Variants in TMPO observed in about 807,000 individuals in gnomAD.
TMPO encodes LEM domain containing 4.
Under a neutral mutation model 45.4 loss-of-function variants are expected in TMPO, and 22 were observed. That is an observed-to-expected ratio of 0.48 (90% CI 0.35 to 0.69). TMPO has a LOEUF of 0.69. Ranked by LOEUF, TMPO falls within the 30% of genes least tolerant of loss-of-function variation. The probability of loss-of-function intolerance (pLI) is 0.01; values close to 1 mark genes in which losing one functional copy is unlikely to be tolerated. For synonymous variants in TMPO, 241 were observed against 204.1 expected (o/e 1.18, Z -1.54); for missense variants, 512 against 548.8 (o/e 0.93, Z 0.67).
chr12:98,544,717 A>C, intron 6 of TMPO, 180 bp downstream of exon 6: 1 of 649,126 alleles, frequency 1.5e-6, no homozygotes, highest in Non-Finnish European at 2.6e-6. Flanking sequence ...TATCCAATTT[A>C]TGTAAAGAAA....
At chr12:98,518,267 T>C (rs570127660) in intron 1 of TMPO, among the ~76,000 whole-genome samples, 1 of 151,980 alleles carries the variant, frequency 6.6e-6, no homozygotes, top group Non-Finnish European at 1.5e-5. Context: ...AACCGTGAAG[T>C]TTTTGGTTGT....
chr12:98,520,162 C>G (rs1180421138), intron 1 of TMPO, among the ~76,000 whole-genome samples: 2 of 151,830 alleles, frequency 1.3e-5, no homozygotes, highest in Non-Finnish European at 2.9e-5. Flanking sequence ...GTTTCACCAT[C>G]TTGGCCAGGC....
At position 98,548,013 on chromosome 12, in the gene TMPO, A is replaced by C; in HGVS notation, c.*155A>C. On this transcript the variant is annotated 3_prime_UTR_variant, in exon 9 of 9. Coordinates refer to ENST00000556029, the MANE Select transcript of TMPO (RefSeq NM_001032283.3). ...TGAAAAGCAAACAAAATATATATAA[A>C]TGGACTTCATTAAAATGTTTTTGAA... is the stretch of plus-strand genomic sequence containing the variant. The C allele has an allele frequency of 1.2e-6, 1 of 816,210 alleles. No individual in the cohort carries two copies. The allele number at this position is 816,210 out of a possible 1,614,324, so 50.6% of individuals were successfully genotyped here.
intron 1 of TMPO, among the ~76,000 whole-genome samples, chr12:98,523,780 A>T (rs1009506654): frequency 4.0e-4 from 61 of 152,108 alleles, no homozygotes; most frequent in South Asian, 1.0e-3. Flanking sequence ...AATTCAAGTG[A>T]TTCTCCAGCC....
chr12:98,523,136 C>T (rs2121143789), intron 1 of TMPO, among the ~76,000 whole-genome samples: 1 of 152,292 alleles, frequency 6.6e-6, no homozygotes, highest in South Asian at 2.1e-4. Context: ...ACTGATGCTT[C>T]CTTTTTCCTG....
intron 1 of TMPO, among the ~76,000 whole-genome samples, chr12:98,520,217 C>A (rs1876227891): frequency 6.6e-6 from 1 of 152,002 alleles, no homozygotes; most frequent in African/African-American, 2.4e-5. Flanking sequence ...GCCTGAGCCT[C>A]CCAAAGTGCT....
Position 98,531,777 on chromosome 12 carries a change from A to G in TMPO, c.504A>G (p.Ser168=), listed in dbSNP as rs776550306. 1 of 1,613,984 alleles carries G rather than the reference A, an allele frequency of 6.2e-7. No homozygotes were observed. The highest frequency in any genetic ancestry group is 8.5e-7 in the Non-Finnish European group (1 of 1,179,940). The stretch of plus-strand genomic sequence containing the variant: ...CTCCTCTGCCAACAATTTCTTCTTC[A>G]GCAGAAAATACAAGGCAGAATGGAA... ...SSTPLPTISS[S]AENTRQNGSN... is the part of the protein sequence containing the mutation. Residue 168 remains serine, a synonymous_variant, in exon 3 of 9, where the codon TCA becomes TCG. Transcript: ENST00000556029.
chr12:98,546,030 G>A (rs1878210025), intron 7 of TMPO, among the ~76,000 whole-genome samples: 1 of 152,156 alleles, frequency 6.6e-6, no homozygotes, highest in African/African-American at 2.4e-5. Context: ...ACCGTACCCG[G>A]CCCAACAATA....
Position 98,533,422 on chromosome 12 carries a change from G to A in TMPO, c.565+1584G>A, listed in dbSNP as rs147002330. The A allele has an allele frequency of 3.3e-5, 54 of 1,614,042 alleles. No homozygotes were observed. The highest frequency in any genetic ancestry group is 1.4e-4 in the South Asian group (13 of 91,072). ...TGTCAATTCTCTGTTGGTCCAGGGT[G>A]GGGTAGGTAGTTTGCCTGGAACTTC... On this transcript the variant is annotated intron_variant, in intron 3 of 8. Transcript: ENST00000556029.
rs767619165 is a variant in TMPO, at chr12:98,548,079, T to C, written c.*221T>C. ...AGATCACTTTGTGCCATATGAATAA[T>C]CTTTTTTAGCTCTGGAACTTTTTGT... On this transcript the variant is annotated 3_prime_UTR_variant, in exon 9 of 9. Coordinates refer to ENST00000556029, the MANE Select transcript of TMPO (RefSeq NM_001032283.3). The C allele has an allele frequency of 1.5e-5, 7 of 476,150 alleles. No homozygotes were observed. The highest frequency in any genetic ancestry group is 2.5e-5 in the Non-Finnish European group (7 of 278,008). The allele number at this position is 476,150 out of a possible 1,614,324, so 29.5% of individuals were successfully genotyped here.
Position 98,527,939 on chromosome 12 carries a change from T to A in TMPO, c.333T>A (p.Asp111Glu). The change falls in exon 2 of 9, where the codon GAT becomes GAA. Residue 111 changes from aspartate to glutamate, a missense_variant. Physicochemically the swap from Asp to Glu is conservative, Grantham distance 45. Around this residue, in one of 3 missense-constraint regions of TMPO, gnomAD observed 299 missense variants for 296.7 expected, o/e 1.01. Coordinates refer to ENST00000556029, the MANE Select transcript of TMPO (RefSeq NM_001032283.3). ...KPRQEDKDDL[D>E]VTELTNEDLL... The stretch of plus-strand genomic sequence containing the variant: ...GACAAGAAGATAAAGATGATCTAGA[T>A]GTAACAGAGCTCACTAATGAAGATC... The A allele has an allele frequency of 6.2e-7, 1 of 1,613,926 alleles. No homozygotes were observed. The highest frequency in any genetic ancestry group is 8.5e-7 in the Non-Finnish European group (1 of 1,179,878).
chr12:98,522,878 C>T (rs1337742829), intron 1 of TMPO, among the ~76,000 whole-genome samples: 2 of 152,154 alleles, frequency 1.3e-5, no homozygotes, highest in African/African-American at 4.8e-5. Context: ...ACACTTGGAA[C>T]ACAACTCAGT....
chr12:98,517,299 T>G (rs927543004), intron 1 of TMPO, among the ~76,000 whole-genome samples: 1 of 152,246 alleles, frequency 6.6e-6, no homozygotes, highest in Non-Finnish European at 1.5e-5. Flanking sequence ...AAAGCATGTT[T>G]TGTTTCAGAA....
In TMPO at chr12:98,547,848, A is replaced by G; in HGVS notation, c.1355A>G (p.Lys452Arg). The change falls in exon 9 of 9, where the codon AAA (lysine) becomes AGA (arginine). Residue 452 changes from lysine to arginine, a missense_variant. Lys to Arg is a conservative substitution (Grantham distance 26). Coordinates refer to ENST00000556029, the MANE Select transcript of TMPO (RefSeq NM_001032283.3). ...AATTTTCTTCATGTTGACCCTAGAA[A>G]ATCCAACTGAATGGTATCTCTTTGG... is the stretch of plus-strand genomic sequence containing the variant. The part of the protein sequence containing the change: ...FSNFLHVDPR[K>R]SN The G allele has an allele frequency of 6.2e-7, 1 of 1,614,066 alleles. No homozygotes were observed. Among genetic ancestry groups the G allele is most frequent in the Admixed American group, 1.7e-5 (1 of 60,004 alleles).
intron 4 of TMPO, among the ~76,000 whole-genome samples, chr12:98,539,696 A>G (rs901618499): frequency 1.3e-5 from 2 of 151,168 alleles, no homozygotes; most frequent in African/African-American, 4.9e-5. Context: ...CTGGTCTCGA[A>G]CTCCTGACCT....
At position 98,517,747 on chromosome 12, in the gene TMPO, G is replaced by C. The variant is rs187657103; in HGVS notation, c.279+1601G>C. Among the ~76,000 whole-genome samples the C allele has an allele frequency of 2.0e-3, 309 of 152,328 alleles. 3 individuals carry two copies. Among genetic ancestry groups the C allele is most frequent in the South Asian group, 9.1e-3 (44 of 4,832 alleles). On this transcript the variant is annotated intron_variant, in intron 1 of 8. Transcript: ENST00000556029. ...TCACACCTTATTGTTTAAACATCTTGTTTTGCGGAAAGCTTCTTTAATTTC... is the reference window on the plus strand; with the variant it reads ...TCACACCTTATTGTTTAAACATCTTCTTTTGCGGAAAGCTTCTTTAATTTC...
chr12:98,545,767 C>G (rs1009239968), intron 7 of TMPO, among the ~76,000 whole-genome samples: 2 of 151,626 alleles, frequency 1.3e-5, no homozygotes, highest in Admixed American at 6.6e-5. Context: ...GAGTCTTGCT[C>G]TGTTGCCCAG....
chr12:98,544,753 A>G (rs1878121270), intron 6 of TMPO, 198 bp from the exon 7 acceptor site: 14 of 649,948 alleles, frequency 2.2e-5, no homozygotes, highest in Non-Finnish European at 3.7e-5. Flanking sequence ...AAGAAAGTAT[A>G]AGGATATTTT....
intron 6 of TMPO, 56 bp from the exon 7 acceptor site, chr12:98,544,895 A>T: frequency 7.8e-7 from 1 of 1,287,926 alleles, no homozygotes; most frequent in Non-Finnish European, 1.1e-6. Flanking sequence ...TTTTCTTTTT[A>T]AGTGTCTGTG....
Sources: gnomAD v4.1 joint callset for allele counts (sites outside exome capture counted in the v4.1 genomes callset) on GRCh38, gnomAD v4.1.1 for gene constraint, gnomAD v4.1.1 regional missense constraint, MANE v1.5 for transcripts, NCBI Gene and HGNC (gene_info 2026-07-23, HGNC 2026-07-21) for gene names.